Variants in FAT3 observed in about 807,000 individuals in gnomAD.
FAT3 encodes protocadherin Fat 3.
FAT3 carries 95 observed loss-of-function variants against 310.2 expected under a neutral mutation model. The observed-to-expected ratio is 0.31, with a 90% confidence interval of 0.26 to 0.36. FAT3 has a LOEUF of 0.36. FAT3 is among the 10% of genes least tolerant of loss of function. FAT3 has a pLI of 1.00. For synonymous variants in FAT3, 2,314 were observed against 2,192.9 expected, an observed-to-expected ratio of 1.06 and a Z score of -1.54; for missense variants, 5,408 against 5,715.6, an observed-to-expected ratio of 0.95 and a Z score of 1.74.
chr11:92,578,232 T>C (rs574343607), intron 3 of FAT3, among the ~76,000 whole-genome samples: 120 of 152,098 alleles, frequency 7.9e-4, no homozygotes, highest in African/African-American at 2.8e-3. Flanking sequence ...CTGATAATAA[T>C]ATTCACAGGA....
intron 2 of FAT3, among the ~76,000 whole-genome samples, chr11:92,474,787 C>G (rs1952004909): frequency 6.6e-6 from 1 of 152,142 alleles, no homozygotes; most frequent in Non-Finnish European, 1.5e-5. Context: ...GGGGTATAGG[C>G]TGATGTCACG....
chr11:92,815,656 A>G (rs1276579570), intron 13 of FAT3, among the ~76,000 whole-genome samples: 2 of 152,192 alleles, frequency 1.3e-5, no homozygotes, highest in African/African-American at 4.8e-5. Flanking sequence ...AGATTTTGGC[A>G]ACTGACTAGA....
At chr11:92,782,219 A>G (rs568788139) in intron 7 of FAT3, among the ~76,000 whole-genome samples, 1 of 152,136 alleles carries the variant, frequency 6.6e-6, no homozygotes, top group African/African-American at 2.4e-5. Flanking sequence ...TCAGCTACTC[A>G]AGTGGCTGAG....
intron 22 of FAT3, 102 bp downstream of exon 22, chr11:92,867,311 G>A (rs1949275239): frequency 8.2e-7 from 1 of 1,221,244 alleles, no homozygotes; most frequent in Non-Finnish European, 1.1e-6. Context: ...CTCTACTAGA[G>A]AGGAGTATTC....
At chr11:92,332,227 A>G (rs1347622179) in intron 1 of FAT3, among the ~76,000 whole-genome samples, 2 of 152,188 alleles carry the variant, frequency 1.3e-5, no homozygotes, top group East Asian at 3.9e-4. Flanking sequence ...CAGTTCTTGC[A>G]CTTTCCCACA....
At chr11:92,812,229 G>C (rs2136216653) in intron 13 of FAT3, among the ~76,000 whole-genome samples, 1 of 152,252 alleles carries the variant, frequency 6.6e-6, no homozygotes, top group Non-Finnish European at 1.5e-5. Flanking sequence ...GTTGTTGAAG[G>C]TAGAATTTAT....
chr11:92,844,149 C>G lies in FAT3; in HGVS notation c.10782C>G (p.Ser3594Arg). 1 of 1,613,976 alleles carries G rather than the reference C, an allele frequency of 6.2e-7. No homozygotes were observed. The highest frequency in any genetic ancestry group is 8.5e-7 in the Non-Finnish European group (1 of 1,179,888). ...TTGCCCTGAAATCGGAGCAGAAAAG[C>G]TTATTTAAAGTGAACAGTCACGATG... is the stretch of plus-strand genomic sequence containing the variant. ...LTFALKSEQK[S>R]LFKVNSHDGK... Residue 3594 changes from serine (S) to arginine (R), a missense_variant, in exon 19 of 28, where the codon AGC (serine) becomes AGG (arginine). Around this residue, in one of 5 missense-constraint regions of FAT3, gnomAD observed 4,588 missense variants for 4,809.8 expected, o/e 0.95. Transcript: ENST00000525166.
intron 2 of FAT3, among the ~76,000 whole-genome samples, chr11:92,463,165 C>A (rs1336326163): frequency 6.6e-6 from 1 of 152,178 alleles, no homozygotes; most frequent in Non-Finnish European, 1.5e-5. Context: ...ATATTTATAA[C>A]CAGACTCAAA....
intron 1 of FAT3, among the ~76,000 whole-genome samples, chr11:92,232,751 T>A (rs1864241657): frequency 6.8e-6 from 1 of 147,086 alleles, no homozygotes; most frequent in Admixed American, 6.9e-5. Context: ...TTATGAAGCA[T>A]CACCAAAGCA....
intron 2 of FAT3, among the ~76,000 whole-genome samples, chr11:92,380,108 T>TGC (rs1949454237): frequency 6.8e-6 from 1 of 147,682 alleles, no homozygotes; most frequent in African/African-American, 2.5e-5. Context: ...TGTGTGTGTG[T>TGC]GTTCAATGAA....
In FAT3 at chr11:92,895,745, G is replaced by C. The variant is rs1201277968; in HGVS notation, c.*4632G>C. ...TTGCCTGTTGCAAACAGGCTGGTTT[G>C]TAAAAGATGTATGTTTTGGTGTTTG... On this transcript the variant is annotated 3_prime_UTR_variant, in exon 28 of 28. Transcript: ENST00000525166. 1 of 152,160 alleles carries C rather than the reference G, an allele frequency of 6.6e-6. No homozygotes were observed. The highest frequency in any genetic ancestry group is 1.5e-5 in the Non-Finnish European group (1 of 68,030). 9.4% of individuals were successfully genotyped at this position (152,160 alleles called of 1,614,324 possible). A position where few individuals can be genotyped will look rare whatever the true frequency, so the allele number is the denominator to read the frequency against.
At chr11:92,664,318 T>C (rs188802838) in intron 3 of FAT3, among the ~76,000 whole-genome samples, 177 of 152,312 alleles carry the variant, frequency 1.2e-3, no homozygotes, top group African/African-American at 4.1e-3. Context: ...CTTCTTCCAC[T>C]AGGGTATGAG....
intron 3 of FAT3, among the ~76,000 whole-genome samples, chr11:92,603,749 A>G (rs1190010455): frequency 6.6e-6 from 1 of 152,200 alleles, no homozygotes; most frequent in African/African-American, 2.4e-5. Flanking sequence ...ACAGTCCACC[A>G]GATTGCTCTT....
At chr11:92,705,524 TTGG>T (rs1944269947) in intron 4 of FAT3, among the ~76,000 whole-genome samples, 1 of 8,192 alleles carries the variant, frequency 1.2e-4, no homozygotes, top group Non-Finnish European at 2.4e-4. Flanking sequence ...GATAGTGGTG[TTGG>T]TGGTGGTGTG....
At chr11:92,430,941 T>C (rs2135024494) in intron 2 of FAT3, among the ~76,000 whole-genome samples, 1 of 152,354 alleles carries the variant, frequency 6.6e-6, no homozygotes. Flanking sequence ...TCCAAGTCTT[T>C]GCTTTTGTGA....
Position 92,800,151 on chromosome 11 carries a change from G to A in FAT3, c.7138G>A (p.Val2380Ile), listed in dbSNP as rs369465727. The change falls in exon 10 of 28, where the codon GTT (valine) becomes ATT (isoleucine). Residue 2380 changes from valine to isoleucine, a missense_variant. This residue lies in a region of FAT3 where 4,588 missense variants were observed against 4,809.8 expected (regional missense o/e 0.95). Transcript: ENST00000525166. ...GFPSLSSEVL[V>I]HIYISDVNDN... is the part of the protein sequence containing the mutation. ...CCCATCACTGAGCAGTGAGGTTCTC[G>A]TTCATATCTACATCTCTGATGTAAA... The A allele has an allele frequency of 9.0e-5, 146 of 1,613,778 alleles. No homozygotes were observed. The highest frequency in any genetic ancestry group is 1.2e-4 in the Admixed American group (7 of 59,986).
intron 3 of FAT3, among the ~76,000 whole-genome samples, chr11:92,679,473 GT>G (rs1170916703): frequency 6.6e-6 from 1 of 151,308 alleles, no homozygotes; most frequent in Non-Finnish European, 1.5e-5. Context: ...AGTATTTTTT[GT>G]TTTTTTAATA....
intron 3 of FAT3, among the ~76,000 whole-genome samples, chr11:92,594,033 G>A (rs1199454562): frequency 6.6e-6 from 1 of 152,120 alleles, no homozygotes; most frequent in African/African-American, 2.4e-5. Flanking sequence ...TCTGTAAACA[G>A]GGACATGTGT....
intron 2 of FAT3, among the ~76,000 whole-genome samples, chr11:92,519,596 G>C (rs1481773721): frequency 2.0e-5 from 3 of 151,892 alleles, no homozygotes; most frequent in African/African-American, 7.3e-5. Flanking sequence ...GCCACAGACT[G>C]GGGGGGAAGT....
Sources: gnomAD v4.1 joint callset for allele counts (sites outside exome capture counted in the v4.1 genomes callset) on GRCh38, gnomAD v4.1.1 for gene constraint, gnomAD v4.1.1 regional missense constraint, MANE v1.5 for transcripts, NCBI Gene and HGNC (gene_info 2026-07-23, HGNC 2026-07-21) for gene names.